TRDN: variants seen among roughly 807,000 people sequenced by gnomAD.
The protein encoded by TRDN is triadin, also known as triadin in skeletal muscle.
In TRDN, 161 loss-of-function variants were observed where a neutral mutation model predicts 149.7. That is an observed-to-expected ratio of 1.08 (90% CI 0.95 to 1.23). TRDN has a LOEUF of 1.23. TRDN is among the 50% of genes most tolerant of loss of function. The probability of loss-of-function intolerance (pLI) is 0.00; values close to 1 mark genes in which losing one functional copy is unlikely to be tolerated. For missense variants in TRDN, 896 were observed against 823.5 expected, an observed-to-expected ratio of 1.09 and a Z score of -1.08; for synonymous variants, 294 against 250.5, an observed-to-expected ratio of 1.17 and a Z score of -1.64.
At chr6:123,312,957 G>T (rs1176298922) in intron 24 of TRDN, among the ~76,000 whole-genome samples, 3 of 151,896 alleles carry the variant, frequency 2.0e-5, no homozygotes, top group African/African-American at 7.2e-5. Flanking sequence ...ATAAGTTGTT[G>T]ATTGATCATA....
At chr6:123,230,577 C>T (rs370272406) in intron 38 of TRDN, among the ~76,000 whole-genome samples, 1 of 151,606 alleles carries the variant, frequency 6.6e-6, no homozygotes, top group Middle Eastern at 3.2e-3. Context: ...GATAAAACCA[C>T]CACTTCTAAA....
intron 20 of TRDN, among the ~76,000 whole-genome samples, chr6:123,364,657 A>G (rs1781022380): frequency 6.6e-6 from 1 of 152,164 alleles, no homozygotes; most frequent in South Asian, 2.1e-4. Context: ...AAAATTAAAA[A>G]ATAATAAAAA....
chr6:123,377,815 A>C, intron 17 of TRDN, 51 bp downstream of exon 17: 1 of 1,602,722 alleles, frequency 6.2e-7, no homozygotes, highest in Non-Finnish European at 8.5e-7. Context: ...TCAATTGCAA[A>C]TCAAATAATA....
chr6:123,513,282 A>G lies in TRDN; in HGVS notation c.551-920T>C, dbSNP rs9482400. Among the ~76,000 whole-genome samples the G allele has an allele frequency of 5.2e-3, 793 of 152,338 alleles. 6 individuals are homozygous for G. The highest frequency in any genetic ancestry group is 0.018 in the African/African-American group (735 of 41,578). On this transcript the variant is annotated intron_variant, in intron 6 of 40. Coordinates refer to ENST00000334268, the MANE Select transcript of TRDN (RefSeq NM_006073.4). ...GGCACTATTCAAACAAGGTCACAGG[A>G]CTACATTATAATAACATATCTCCTA...
At chr6:123,370,468 C>A (rs1010850481) in intron 19 of TRDN, among the ~76,000 whole-genome samples, 5 of 152,058 alleles carry the variant, frequency 3.3e-5, no homozygotes, top group African/African-American at 9.7e-5. Context: ...GTTTGGTCTA[C>A]AAACTATGGA....
intron 1 of TRDN, among the ~76,000 whole-genome samples, chr6:123,628,744 T>A (rs531523760): frequency 1.3e-4 from 20 of 152,258 alleles, no homozygotes; most frequent in Middle Eastern, 3.4e-3. Context: ...TCTTTTTGTT[T>A]TGCAATGTAG....
At chr6:123,600,963 T>C (rs1324846690) in intron 1 of TRDN, among the ~76,000 whole-genome samples, 1 of 152,124 alleles carries the variant, frequency 6.6e-6, no homozygotes, top group Non-Finnish European at 1.5e-5. Flanking sequence ...ATCAGTTAAA[T>C]ACTGAACATA....
At chr6:123,545,351 A>C (rs753260957) in intron 4 of TRDN, among the ~76,000 whole-genome samples, 4 of 151,946 alleles carry the variant, frequency 2.6e-5, no homozygotes, top group Admixed American at 6.6e-5. Flanking sequence ...AAAATGTAGA[A>C]TATGTATTAT....
chr6:123,397,140 T>C (rs1772764389), intron 12 of TRDN, among the ~76,000 whole-genome samples: 1 of 152,154 alleles, frequency 6.6e-6, no homozygotes, highest in African/African-American at 2.4e-5. Context: ...ACAATGTTAT[T>C]CAAATACCTG....
chr6:123,561,460 A>C (rs1417007967), intron 2 of TRDN, among the ~76,000 whole-genome samples: 3 of 151,818 alleles, frequency 2.0e-5, no homozygotes, highest in African/African-American at 7.2e-5. Context: ...CTGCATGGAC[A>C]CTCCTTTTTA....
At chr6:123,519,441 A>G (rs1185509662) in intron 5 of TRDN, among the ~76,000 whole-genome samples, 1 of 145,628 alleles carries the variant, frequency 6.9e-6, no homozygotes, top group Non-Finnish European at 1.5e-5. Flanking sequence ...TTTCTCAAGT[A>G]TATCAGAGCT....
At chr6:123,307,971 A>G (rs1778674686) in intron 24 of TRDN, among the ~76,000 whole-genome samples, 1 of 151,968 alleles carries the variant, frequency 6.6e-6, no homozygotes. Context: ...GGTAGTGAGC[A>G]TATCACCCAA....
chr6:123,542,431 T>C (rs1396516145), intron 4 of TRDN, among the ~76,000 whole-genome samples: 2 of 152,232 alleles, frequency 1.3e-5, no homozygotes, highest in Non-Finnish European at 2.9e-5. Flanking sequence ...TCTGAATGAC[T>C]ACGATTATTC....
chr6:123,584,799 A>G (rs144778220), intron 1 of TRDN, among the ~76,000 whole-genome samples: 8,523 of 152,128 alleles, frequency 0.056, 319 homozygotes, highest in African/African-American at 0.085. Flanking sequence ...AGAATAATGG[A>G]TTGTGGAGGG....
At chr6:123,274,600 A>T (rs1370851903) in intron 27 of TRDN, 41 bp downstream of exon 27, 4 of 1,550,306 alleles carry the variant, frequency 2.6e-6, no homozygotes, top group Non-Finnish European at 3.5e-6. Flanking sequence ...AAATAAAGAT[A>T]ATGTCAACTC....
At chr6:123,434,890 A>C (rs1315101917) in intron 12 of TRDN, among the ~76,000 whole-genome samples, 1 of 151,918 alleles carries the variant, frequency 6.6e-6, no homozygotes, top group Non-Finnish European at 1.5e-5. Flanking sequence ...CCAATTGCTC[A>C]GTTTCAACCC....
At chr6:123,359,987 G>A (rs1332694114) in intron 20 of TRDN, among the ~76,000 whole-genome samples, 2 of 152,072 alleles carry the variant, frequency 1.3e-5, no homozygotes, top group Non-Finnish European at 1.5e-5. Context: ...GAGCCACTGC[G>A]CCTGGCCGTG....
intron 20 of TRDN, among the ~76,000 whole-genome samples, chr6:123,356,473 T>G (rs1358427894): frequency 6.8e-6 from 1 of 146,314 alleles, no homozygotes; most frequent in East Asian, 2.0e-4. Flanking sequence ...ATATTTTGTT[T>G]AGACCTATGC....
chr6:123,544,604 A>AT (rs1430378329), intron 4 of TRDN, among the ~76,000 whole-genome samples: 1 of 151,860 alleles, frequency 6.6e-6, no homozygotes, highest in Non-Finnish European at 1.5e-5. Context: ...ACAACAAATA[A>AT]TTTTTTCCGA....
Sources: gnomAD v4.1 joint callset for allele counts (sites outside exome capture counted in the v4.1 genomes callset) on GRCh38, gnomAD v4.1.1 for gene constraint, MANE v1.5 for transcripts, NCBI Gene and HGNC (gene_info 2026-07-23, HGNC 2026-07-21) for gene names.